Variants in GPNMB observed in about 807,000 individuals in gnomAD.
The protein encoded by GPNMB is glycoprotein nmb, also known as transmembrane glycoprotein NMB.
A neutral mutation model predicts 57.3 loss-of-function variants in GPNMB; 71 were observed. The ratio of observed to expected loss-of-function variants is 1.24; its 90% CI spans 1.02 to 1.51. The LOEUF (loss-of-function observed/expected upper bound fraction) is 1.51, where lower values mean the gene tolerates loss of function less well. Among genes scored for constraint, GPNMB ranks in the 40% most tolerant of loss-of-function variants. The pLI is 0.00. For missense variants in GPNMB, 677 were observed against 691.9 expected, an observed-to-expected ratio of 0.98 and a Z score of 0.24; for synonymous variants, 253 against 263.2, an observed-to-expected ratio of 0.96 and a Z score of 0.38.
chr7:23,266,577 A>G lies in GPNMB; in HGVS notation c.1079A>G (p.Asn360Ser). 1 of 1,613,878 alleles carries G rather than the reference A, an allele frequency of 6.2e-7. No individual in the cohort carries two copies. Among genetic ancestry groups the G allele is most frequent in the Non-Finnish European group, 8.5e-7 (1 of 1,179,778 alleles). ...ATTCCTGATGAAAACTGCCAGATTA[A>G]CAGATATGGCCACTTTCAAGCCACC... ...SRIPDENCQI[N>S]RYGHFQATIT... The change falls in exon 7 of 11, where the codon AAC (asparagine) becomes AGC (serine). Residue 360 changes from asparagine to serine, a missense_variant. By Grantham distance (46) the Asn-to-Ser change is conservative (BLOSUM62 1). Coordinates refer to ENST00000258733, the MANE Select transcript of GPNMB (RefSeq NM_002510.3).
At chr7:23,250,900 T>G (rs914778531) in intron 1 of GPNMB, 17 of 152,222 alleles carry the variant, frequency 1.1e-4, no homozygotes, top group African/African-American at 4.1e-4. Flanking sequence ...AATTTCTTCA[T>G]ATATAAAATG....
intron 9 of GPNMB, among the ~76,000 whole-genome samples, chr7:23,270,947 C>T (rs546307140): frequency 2.0e-5 from 3 of 152,256 alleles, no homozygotes; most frequent in East Asian, 1.9e-4. Context: ...AGAAGTGCTA[C>T]GTGGTAGGAT....
intron 9 of GPNMB, among the ~76,000 whole-genome samples, chr7:23,270,619 C>T (rs1276006747): frequency 6.6e-6 from 1 of 152,180 alleles, no homozygotes; most frequent in Non-Finnish European, 1.5e-5. Flanking sequence ...AAATGAGACA[C>T]AAGCTGTTCT....
chr7:23,260,073 T>G lies in GPNMB; in HGVS notation c.635T>G (p.Val212Gly). The change falls in exon 5 of 11, where the codon GTC (valine) becomes GGC (glycine). Residue 212 changes from valine to glycine, a missense_variant. Physicochemically the swap from Val to Gly is moderately radical, Grantham distance 109. Coordinates refer to ENST00000258733, the MANE Select transcript of GPNMB (RefSeq NM_002510.3). Reference sequence around the variant, plus strand: ...GGGCCTCAACTCATGGAAGTGACTGTCTACAGAAGACATGGACGGGCATAT... The same window carrying G: ...GGGCCTCAACTCATGGAAGTGACTGGCTACAGAAGACATGGACGGGCATAT... ...TLGPQLMEVT[V>G]YRRHGRAYVP... 6.2e-7 allele frequency: 1 copy of G among 1,614,068 alleles called. No homozygotes were observed. Among genetic ancestry groups the G allele is most frequent in the Non-Finnish European group, 8.5e-7 (1 of 1,179,934 alleles).
intron 6 of GPNMB, among the ~76,000 whole-genome samples, chr7:23,263,727 C>A (rs1015921254): frequency 6.6e-6 from 1 of 151,976 alleles, no homozygotes; most frequent in African/African-American, 2.4e-5. Context: ...CATAATCAAC[C>A]CCAAAATGCC....
intron 1 of GPNMB, among the ~76,000 whole-genome samples, chr7:23,251,103 G>A (rs767056893): frequency 1.4e-4 from 21 of 152,202 alleles, no homozygotes; most frequent in Non-Finnish European, 2.9e-4. Context: ...CATGGCCTGA[G>A]GTCACACATC....
chr7:23,262,287 G>A (rs1388548739), intron 6 of GPNMB, among the ~76,000 whole-genome samples: 1 of 152,126 alleles, frequency 6.6e-6, no homozygotes, highest in East Asian at 1.9e-4. Flanking sequence ...TAGATGTCTA[G>A]AGTAAAAAGC....
At chr7:23,251,144 C>G (rs574312701) in intron 1 of GPNMB, among the ~76,000 whole-genome samples, 49 of 152,318 alleles carry the variant, frequency 3.2e-4, no homozygotes, top group Admixed American at 6.5e-4. Context: ...GGCTAGAAAA[C>G]ATGTTCCATG....
Position 23,256,981 on chromosome 7 carries a change from C to T in GPNMB, c.457C>T (p.His153Tyr). The change falls in exon 4 of 11, where the codon CAT becomes TAT. Residue 153 changes from histidine (H) to tyrosine (Y), a missense_variant. Coordinates refer to ENST00000258733, the MANE Select transcript of GPNMB (RefSeq NM_002510.3). The stretch of plus-strand genomic sequence containing the variant: ...GGAAAATGGCACCGGCCAAAGCCAT[C>T]ATAACGTCTTCCCTGATGGGAAACC... ...DGENGTGQSHHNVFPDGKPFP... is the reference protein window; with the variant it reads ...DGENGTGQSHYNVFPDGKPFP... 1 of 1,614,012 alleles carries T rather than the reference C, an allele frequency of 6.2e-7. No homozygotes were observed. The highest frequency in any genetic ancestry group is 8.5e-7 in the Non-Finnish European group (1 of 1,179,822).
At chr7:23,265,575 T>A (rs1783037958) in intron 6 of GPNMB, among the ~76,000 whole-genome samples, 1 of 152,130 alleles carries the variant, frequency 6.6e-6, no homozygotes, top group African/African-American at 2.4e-5. Context: ...CAGTAAGACT[T>A]TTAGAATTTA....
chr7:23,267,598 T>C (rs1203513756), intron 7 of GPNMB, among the ~76,000 whole-genome samples: 1 of 152,144 alleles, frequency 6.6e-6, no homozygotes. Context: ...CACTTCCTGG[T>C]TCATAGATGG....
At position 23,253,348 on chromosome 7, in the gene GPNMB, A is replaced by T. The variant is rs753722741; in HGVS notation, c.112A>T (p.Met38Leu). 5 of 1,613,702 alleles carry T rather than the reference A, an allele frequency of 3.1e-6. No individual in the cohort carries two copies. In the African/African-American group the frequency reaches 4.0e-5, roughly 13 times the overall value. The change falls in exon 2 of 11, where the codon ATG becomes TTG. Residue 38 changes from methionine (M) to leucine (L), a missense_variant. Physicochemically the swap from Met to Leu is conservative, Grantham distance 15. Transcript: ENST00000258733. ...VLGNERPSAYMREHNQLNGWS... is the reference protein window; with the variant it reads ...VLGNERPSAYLREHNQLNGWS... ...GGGCAATGAAAGACCTTCTGCTTAC[A>T]TGAGGGAGCACAATCAATTAAATGG...
intron 6 of GPNMB, 112 bp downstream of exon 6, chr7:23,260,885 G>A: frequency 1.3e-6 from 1 of 773,960 alleles, no homozygotes; most frequent in East Asian, 2.9e-5. Flanking sequence ...ACTCTGCGGT[G>A]ATTCCATTTT....
intron 4 of GPNMB, chr7:23,257,424 C>CA (rs1325195383): frequency 5.1e-6 from 2 of 389,946 alleles, no homozygotes; most frequent in Non-Finnish European, 9.3e-6. Flanking sequence ...GTAATCCCAG[C>CA]ACCTTGGAAG....
intron 9 of GPNMB, among the ~76,000 whole-genome samples, chr7:23,271,181 C>T (rs1783194990): frequency 6.6e-6 from 1 of 152,180 alleles, no homozygotes; most frequent in South Asian, 2.1e-4. Context: ...AAGGTTTGCA[C>T]TCCTATGAGA....
intron 10 of GPNMB, 32 bp downstream of exon 10, chr7:23,273,646 T>G: frequency 8.0e-7 from 1 of 1,253,490 alleles, no homozygotes; most frequent in Non-Finnish European, 1.2e-6. Context: ...TTTATATCAC[T>G]ATAGTGTATT....
In GPNMB at chr7:23,268,232, CTGTT is replaced by C. The variant is rs371991773; in HGVS notation, c.1220+247_1220+250del. Among the ~76,000 whole-genome samples, 236 of 152,326 alleles carry C rather than the reference CTGTT, an allele frequency of 1.5e-3. 2 individuals carry two copies. The highest frequency in any genetic ancestry group is 5.4e-3 in the African/African-American group (226 of 41,566). The stretch of plus-strand genomic sequence containing the variant: ...TTAAGTTGAATAATAATTATGATAA[CTGTT>C]TGAACACTTAACTGAATTTTTTAAC... On this transcript the variant is annotated intron_variant, in intron 8 of 10. Transcript: ENST00000258733.
intron 10 of GPNMB, 182 bp downstream of exon 10, chr7:23,273,796 T>C: frequency 1.7e-6 from 1 of 589,448 alleles, no homozygotes; most frequent in Non-Finnish European, 3.0e-6. Context: ...TTGTTTTTAA[T>C]CCTAAAAGAT....
Position 23,270,016 on chromosome 7 carries a change from A to G in GPNMB, c.1270A>G (p.Thr424Ala). The part of the protein sequence containing the change: ...TIISDPTCEI[T>A]QNTVCSPVDV... Reference sequence around the variant, plus strand: ...CATTTCTGACCCCACCTGCGAGATCACCCAGAACACAGTCTGCAGCCCTGT... The same window carrying G: ...CATTTCTGACCCCACCTGCGAGATCGCCCAGAACACAGTCTGCAGCCCTGT... The change falls in exon 9 of 11, where the codon ACC (threonine) becomes GCC (alanine). Residue 424 changes from threonine to alanine, a missense_variant. Physicochemically the swap from Thr to Ala is moderately conservative, Grantham distance 58 (BLOSUM62 0). Coordinates refer to ENST00000258733, the MANE Select transcript of GPNMB (RefSeq NM_002510.3). 1 of 1,614,050 alleles carries G rather than the reference A, an allele frequency of 6.2e-7. No individual in the cohort carries two copies. Among genetic ancestry groups the G allele is most frequent in the Non-Finnish European group, 8.5e-7 (1 of 1,180,016 alleles).
Sources: allele counts gnomAD v4.1 joint callset (sites outside exome capture counted in the v4.1 genomes callset), GRCh38; gene constraint gnomAD v4.1.1; transcripts MANE v1.5; gene names NCBI Gene and HGNC (gene_info 2026-07-23, HGNC 2026-07-21).